The following BRMS1L variants were observed in gnomAD, a reference collection of about 807,000 sequenced individuals.
BRMS1L encodes the protein breast cancer metastasis-suppressor 1-like protein.
A neutral mutation model predicts 50.3 loss-of-function variants in BRMS1L; 23 were observed. That is an observed-to-expected ratio of 0.46 (90% CI 0.33 to 0.65). The LOEUF is 0.65. Ranked by LOEUF, BRMS1L falls within the 30% of genes least tolerant of loss-of-function variation. The probability of loss-of-function intolerance (pLI) is 0.02; values close to 1 mark genes in which losing one functional copy is unlikely to be tolerated. For synonymous variants in BRMS1L, 114 were observed against 126.9 expected, an observed-to-expected ratio of 0.90 and a Z score of 0.69; for missense variants, 286 against 386.1, an observed-to-expected ratio of 0.74 and a Z score of 2.17.
At chr14:35,867,546 G>A (rs2078437528) in intron 8 of BRMS1L, among the ~76,000 whole-genome samples, 1 of 151,962 alleles carries the variant, frequency 6.6e-6, no homozygotes, top group African/African-American at 2.4e-5. Flanking sequence ...GATGCCCGCA[G>A]GGGAAAAAAT....
chr14:35,834,923 G>A lies in BRMS1L; in HGVS notation c.441G>A (p.Glu147=). Residue 147 remains glutamate (E), a splice_region_variant and synonymous_variant, in exon 4 of 10, where the codon GAG becomes GAA. Coordinates refer to ENST00000216807, the MANE Select transcript of BRMS1L (RefSeq NM_032352.4). ...TTCAAGCTTCTCGCCAGCATTGTGA[G>A]GTACTGTCATTTTGCATAACTTTTA... ...CEIQASRQHC[E]SEKLLLYDTV... 6.3e-7 allele frequency: 1 copy of A among 1,581,108 alleles called. No homozygotes were observed. The highest frequency in any genetic ancestry group is 8.6e-7 in the Non-Finnish European group (1 of 1,164,300).
rs537456949 is a variant in BRMS1L, at chr14:35,868,001, T to C, written c.823T>C (p.Cys275Arg). The part of the protein sequence containing the change: ...GEWYIRGQTI[C>R]IDKKDECPTS... ...ATGGTATATACGTGGACAAACAATA[T>C]GTATTGATAAAAAAGATGAATGTCC... Residue 275 changes from cysteine to arginine, a missense_variant, in exon 9 of 10, where the codon TGT becomes CGT. Around this residue, in one of 5 missense-constraint regions of BRMS1L, gnomAD observed 49 missense variants for 39.1 expected, o/e 1.25. Coordinates refer to ENST00000216807, the MANE Select transcript of BRMS1L (RefSeq NM_032352.4). The C allele has an allele frequency of 9.3e-6, 15 of 1,608,180 alleles. No homozygotes were observed. Among genetic ancestry groups the C allele is most frequent in the Non-Finnish European group, 1.2e-5 (14 of 1,178,154 alleles).
At chr14:35,837,944 T>C (rs1171475239) in intron 4 of BRMS1L, among the ~76,000 whole-genome samples, 3 of 152,216 alleles carry the variant, frequency 2.0e-5, no homozygotes, top group Non-Finnish European at 4.4e-5. Flanking sequence ...TACATAGGTA[T>C]ACATGTGCCA....
At chr14:35,867,476 A>T (rs1318573010) in intron 8 of BRMS1L, among the ~76,000 whole-genome samples, 1 of 152,224 alleles carries the variant, frequency 6.6e-6, no homozygotes, top group Non-Finnish European at 1.5e-5. Context: ...TCCTTTTTAG[A>T]ATTAAAAGCC....
intron 3 of BRMS1L, among the ~76,000 whole-genome samples, 197 bp downstream of exon 3, chr14:35,833,302 TA>T (rs79273951): frequency 0.013 from 1,811 of 140,140 alleles, 16 homozygotes; most frequent in African/African-American, 0.03. Context: ...TGTAGGGGAT[TA>T]AAAAAAAAAA....
In BRMS1L at chr14:35,864,918, G is replaced by T; in HGVS notation, c.623-17G>T. The T allele has an allele frequency of 6.6e-7, 1 of 1,514,434 alleles. No homozygotes were observed. Among genetic ancestry groups the T allele is most frequent in the South Asian group, 1.2e-5 (1 of 80,300 alleles). 93.8% of individuals were successfully genotyped at this position (1,514,434 alleles called of 1,614,324 possible). A position where few individuals can be genotyped will look rare whatever the true frequency, so the allele number is the denominator to read the frequency against. On this transcript the variant is annotated splice_polypyrimidine_tract_variant and intron_variant, in intron 6 of 9. Coordinates refer to ENST00000216807, the MANE Select transcript of BRMS1L (RefSeq NM_032352.4). The stretch of plus-strand genomic sequence containing the variant: ...AGTGTGATATTCTTACAGCTAAATT[G>T]ACCTTGACTATTCAACGTCCATATA...
chr14:35,834,976 C>A, intron 4 of BRMS1L, 53 bp downstream of exon 4: 1 of 1,395,204 alleles, frequency 7.2e-7, no homozygotes, highest in Non-Finnish European at 9.8e-7. Flanking sequence ...CAAGCCTTTT[C>A]TGAGTGTAGT....
intron 4 of BRMS1L, among the ~76,000 whole-genome samples, chr14:35,862,317 A>G (rs1053933201): frequency 1.3e-5 from 2 of 152,212 alleles, no homozygotes; most frequent in African/African-American, 4.8e-5. Context: ...AGTTTTTTAT[A>G]AAGTAAATAT....
At chr14:35,864,896 G>A in intron 6 of BRMS1L, 39 bp from the exon 7 acceptor site, 1 of 1,319,504 alleles carries the variant, frequency 7.6e-7, no homozygotes, top group Non-Finnish European at 1.1e-6. Flanking sequence ...AATTCAAAGT[G>A]TGATATTCTT....
chr14:35,827,399 T>G (rs918429358), intron 1 of BRMS1L, among the ~76,000 whole-genome samples: 3 of 152,228 alleles, frequency 2.0e-5, no homozygotes, highest in Non-Finnish European at 2.9e-5. Flanking sequence ...TAAAGTGAAA[T>G]GGAATTTGTG....
chr14:35,843,927 T>G (rs911892614), intron 4 of BRMS1L, among the ~76,000 whole-genome samples: 3 of 152,142 alleles, frequency 2.0e-5, no homozygotes, highest in African/African-American at 7.2e-5. Flanking sequence ...TACAATGGCT[T>G]TGTGGCACTG....
At chr14:35,860,273 G>A (rs1181807556) in intron 4 of BRMS1L, among the ~76,000 whole-genome samples, 1 of 152,034 alleles carries the variant, frequency 6.6e-6, no homozygotes, top group African/African-American at 2.4e-5. Context: ...GGGATTACAG[G>A]TGTCTACCAC....
intron 8 of BRMS1L, among the ~76,000 whole-genome samples, chr14:35,866,876 A>G (rs1188244306): frequency 6.6e-6 from 1 of 152,126 alleles, no homozygotes; most frequent in Non-Finnish European, 1.5e-5. Context: ...GAATCTCATT[A>G]TCATAGTTGA....
intron 3 of BRMS1L, 59 bp downstream of exon 3, chr14:35,833,164 A>T (rs982818512): frequency 6.3e-5 from 96 of 1,512,088 alleles, no homozygotes; most frequent in Non-Finnish European, 8.3e-5. Flanking sequence ...TAGCTTTAAA[A>T]GGTGTTTATC....
intron 4 of BRMS1L, among the ~76,000 whole-genome samples, chr14:35,852,945 T>A (rs1029280221): frequency 1.3e-4 from 19 of 151,788 alleles, no homozygotes; most frequent in African/African-American, 3.4e-4. Flanking sequence ...AAAAAAAAAA[T>A]TTCTAATATC....
chr14:35,857,196 A>G (rs971544016), intron 4 of BRMS1L, among the ~76,000 whole-genome samples: 2 of 150,850 alleles, frequency 1.3e-5, no homozygotes, highest in Non-Finnish European at 2.9e-5. Context: ...AGATGAGATC[A>G]TGCCACTGCA....
Position 35,870,387 on chromosome 14 carries a change from T to G in BRMS1L, c.882T>G (p.Asp294Glu). 6.2e-7 allele frequency: 1 copy of G among 1,606,248 alleles called. No homozygotes were observed. The highest frequency in any genetic ancestry group is 8.5e-7 in the Non-Finnish European group (1 of 1,175,742). The change falls in exon 10 of 10, where the codon GAT (aspartate) becomes GAG (glutamate). Residue 294 changes from aspartate (D) to glutamate (E), a missense_variant. Around this residue, in one of 5 missense-constraint regions of BRMS1L, gnomAD observed 49 missense variants for 39.1 expected, o/e 1.25. Transcript: ENST00000216807. ...CTGTAATTACAACAATTAACCATGA[T>G]GAAGTTTGGTTTAAGAGGCCTGATG... ...TSAVITTINH[D>E]EVWFKRPDGS...
chr14:35,857,861 A>G (rs17103576), intron 4 of BRMS1L, among the ~76,000 whole-genome samples: 1,696 of 149,288 alleles, frequency 0.011, 31 homozygotes, highest in African/African-American at 0.039. Flanking sequence ...GTGTTTATCA[A>G]TTCTTCCTAC....
chr14:35,834,338 T>C (rs1401503053), intron 3 of BRMS1L, among the ~76,000 whole-genome samples: 1 of 152,176 alleles, frequency 6.6e-6, no homozygotes. Flanking sequence ...TCAGGAGCAC[T>C]CCAGACATAA....
Sources: allele counts gnomAD v4.1 joint callset (sites outside exome capture counted in the v4.1 genomes callset), GRCh38; gene constraint gnomAD v4.1.1; regional missense constraint gnomAD v4.1.1; transcripts MANE v1.5; gene names NCBI Gene and HGNC (gene_info 2026-07-23, HGNC 2026-07-21).